VAV3: variants seen among roughly 807,000 people sequenced by gnomAD.
VAV3 encodes guanine nucleotide exchange factor VAV3.
VAV3 carries 94 observed loss-of-function variants against 131.2 expected under a neutral mutation model. That is an observed-to-expected ratio of 0.72 (90% CI 0.61 to 0.85). VAV3 has a LOEUF of 0.85. Ranked by LOEUF, VAV3 falls within the 40% of genes least tolerant of loss-of-function variation. VAV3 has a pLI of 0.00. For synonymous variants in VAV3, 349 were observed against 342.0 expected (o/e 1.02, Z -0.22); for missense variants, 939 against 1,002.7 (o/e 0.94, Z 0.86).
Position 107,766,679 on chromosome 1 carries a change from G to C in VAV3, c.718-129C>G, listed in dbSNP as rs1412681219. 7.3e-6 allele frequency: 5 copies of C among 681,310 alleles called. No homozygotes were observed. The Admixed American group carries it at 1.4e-4, about 19-fold the overall frequency. 42.2% of individuals were successfully genotyped at this position (681,310 alleles called of 1,614,324 possible). On this transcript the variant is annotated intron_variant, in intron 7 of 26. Coordinates refer to ENST00000370056, the MANE Select transcript of VAV3 (RefSeq NM_006113.5). The stretch of plus-strand genomic sequence containing the variant: ...CTGAATGCTCTCAATATATAAAACT[G>C]CTTCCACCAATAAAGAGAGAGGGAA...
intron 19 of VAV3, chr1:107,668,636 C>CT (rs1349572552): frequency 3.0e-6 from 3 of 985,288 alleles, no homozygotes; most frequent in African/African-American, 1.7e-5. Flanking sequence ...AAACCATCAA[C>CT]TTTTTCCTCA....
rs144733602 is a variant in VAV3 at position 107,725,437 on chromosome 1, G to A, written c.1503-20376C>T. On this transcript the variant is annotated intron_variant, in intron 15 of 26. Transcript: ENST00000370056. ...AAGTAAAGAGAGTGAGAGGGACACT[G>A]TGGAACGTCTACACAATACTAAGCA... Among the ~76,000 whole-genome samples, 129 of 152,294 alleles carry A rather than the reference G, an allele frequency of 8.5e-4. 2 individuals are homozygous for A. The East Asian group carries it at 0.023, about 28-fold the overall frequency.
intron 19 of VAV3, among the ~76,000 whole-genome samples, chr1:107,649,543 T>A (rs2101561969): frequency 6.6e-6 from 1 of 152,184 alleles, no homozygotes; most frequent in South Asian, 2.1e-4. Context: ...AGAGTGATTA[T>A]TGAGATGATC....
At chr1:107,935,270 C>T (rs143408448) in intron 1 of VAV3, among the ~76,000 whole-genome samples, 7 of 152,258 alleles carry the variant, frequency 4.6e-5, no homozygotes, top group Middle Eastern at 3.4e-3. Context: ...TGATTTCATT[C>T]AAGTGAATAA....
intron 15 of VAV3, among the ~76,000 whole-genome samples, chr1:107,731,437 T>G (rs1158945021): frequency 6.6e-6 from 1 of 152,156 alleles, no homozygotes; most frequent in East Asian, 1.9e-4. Flanking sequence ...AACAATATGT[T>G]TTAAGCCTGG....
intron 19 of VAV3, chr1:107,669,238 C>G: frequency 1.1e-5 from 13 of 1,215,838 alleles, no homozygotes; most frequent in Non-Finnish European, 1.1e-5. Context: ...TGAAGTAATC[C>G]TTACTAAGTG....
intron 19 of VAV3, among the ~76,000 whole-genome samples, chr1:107,680,761 C>A (rs1487173915): frequency 2.0e-5 from 3 of 152,080 alleles, no homozygotes; most frequent in Non-Finnish European, 4.4e-5. Flanking sequence ...AAGGTAGGTC[C>A]TCTTATTCAT....
rs139988331 is a variant in VAV3 at position 107,701,156 on chromosome 1, T to A, written c.1705+3394A>T. On this transcript the variant is annotated intron_variant, in intron 17 of 26. Transcript: ENST00000370056. ...CCTGCTTTTTAATGGGGTTGTTTGT[T>A]TCTTTCTTGTAAATTTGTTTAAGTG... 4.4e-3 allele frequency among the ~76,000 whole-genome samples: 673 copies of A among 152,316 alleles called. 1 individual carries two copies. Among genetic ancestry groups the A allele is most frequent in the African/African-American group, 0.015 (604 of 41,566 alleles).
chr1:107,639,681 T>C (rs1433943298), intron 20 of VAV3, among the ~76,000 whole-genome samples: 1 of 152,174 alleles, frequency 6.6e-6, no homozygotes, highest in African/African-American at 2.4e-5. Context: ...GACTGGCTCA[T>C]GCTTGTAATC....
In VAV3 at chr1:107,596,253, T is replaced by C; in HGVS notation, c.2309A>G (p.Glu770Gly). The change falls in exon 25 of 27, where the codon GAA becomes GGA. Residue 770 changes from glutamate (E) to glycine (G), a missense_variant. Glu to Gly is a moderately conservative substitution (Grantham distance 98). Coordinates refer to ENST00000370056, the MANE Select transcript of VAV3 (RefSeq NM_006113.5). ...ATTACCCCTCTGTCCAGCTGAATGT[T>C]CTGGCTCCTTGTATGGAAACTGCAG... ...TTLQFPYKEPEHSAGQRGNRA... is the reference protein window; with the variant it reads ...TTLQFPYKEPGHSAGQRGNRA... The C allele has an allele frequency of 2.5e-6, 4 of 1,613,650 alleles. No homozygotes were observed. The highest frequency in any genetic ancestry group is 3.4e-6 in the Non-Finnish European group (4 of 1,179,616).
At chr1:107,616,810 A>G (rs1210561907) in intron 21 of VAV3, among the ~76,000 whole-genome samples, 1 of 152,198 alleles carries the variant, frequency 6.6e-6, no homozygotes, top group East Asian at 1.9e-4. Flanking sequence ...AGCACGATAG[A>G]TTAAGGAGAG....
intron 19 of VAV3, among the ~76,000 whole-genome samples, chr1:107,651,962 C>T (rs1302379416): frequency 1.3e-5 from 2 of 151,972 alleles, no homozygotes; most frequent in Admixed American, 1.3e-4. Flanking sequence ...CTTAGGGTTC[C>T]TTAAATACCT....
intron 4 of VAV3, among the ~76,000 whole-genome samples, chr1:107,776,520 G>A (rs1215966342): frequency 6.6e-6 from 1 of 152,210 alleles, no homozygotes; most frequent in Non-Finnish European, 1.5e-5. Context: ...AATAGCAGGT[G>A]TAAAGGTCAC....
chr1:107,657,167 T>C (rs900252898), intron 19 of VAV3, among the ~76,000 whole-genome samples: 1 of 151,904 alleles, frequency 6.6e-6, no homozygotes, highest in African/African-American at 2.4e-5. Flanking sequence ...GTTCGCCAGG[T>C]TGATATCAAA....
chr1:107,719,698 C>A (rs1170354667), intron 15 of VAV3, among the ~76,000 whole-genome samples: 1 of 152,186 alleles, frequency 6.6e-6, no homozygotes, highest in African/African-American at 2.4e-5. Flanking sequence ...ACCCAGCAAT[C>A]CCACTACTGG....
chr1:107,594,289 T>C (rs1037567682), intron 25 of VAV3, among the ~76,000 whole-genome samples: 3 of 152,118 alleles, frequency 2.0e-5, no homozygotes, highest in Admixed American at 1.3e-4. Flanking sequence ...AACTTTGTCT[T>C]CTTAATTGCT....
chr1:107,770,288 C>CT (rs1325950771), intron 6 of VAV3, among the ~76,000 whole-genome samples: 1 of 152,132 alleles, frequency 6.6e-6, no homozygotes, highest in Non-Finnish European at 1.5e-5. Flanking sequence ...GCCCTCCCCC[C>CT]CCATCACTCT....
intron 2 of VAV3, among the ~76,000 whole-genome samples, chr1:107,870,658 ACT>A (rs1670211432): frequency 6.6e-6 from 1 of 151,408 alleles, no homozygotes; most frequent in African/African-American, 2.4e-5. Flanking sequence ...CTAAAATACA[ACT>A]CTTTCTCTCT....
At chr1:107,650,823 T>C (rs1656113197) in intron 19 of VAV3, among the ~76,000 whole-genome samples, 1 of 151,078 alleles carries the variant, frequency 6.6e-6, no homozygotes, top group South Asian at 2.1e-4. Context: ...TGGTTTTTTG[T>C]CCTGGCGATA....
Sources: gnomAD v4.1 joint callset for allele counts (sites outside exome capture counted in the v4.1 genomes callset) on GRCh38, gnomAD v4.1.1 for gene constraint, MANE v1.5 for transcripts, NCBI Gene and HGNC (gene_info 2026-07-23, HGNC 2026-07-21) for gene names.